The following CDK19 variants were observed in gnomAD, a reference collection of about 807,000 sequenced individuals.
The protein encoded by CDK19 is cyclin dependent kinase 19.
CDK19 carries 20 observed loss-of-function variants against 68.3 expected under a neutral mutation model. The observed-to-expected ratio is 0.29, with a 90% confidence interval of 0.21 to 0.43. CDK19 has a LOEUF of 0.43. CDK19 is among the 20% of genes least tolerant of loss of function. The pLI is 1.00. For missense variants in CDK19, 339 were observed against 623.5 expected (o/e 0.54, Z 4.86); for synonymous variants, 221 against 222.8 (o/e 0.99, Z 0.07).
At chr6:110,625,370 AG>A (rs1312764923) in intron 8 of CDK19, among the ~76,000 whole-genome samples, 6 of 152,078 alleles carry the variant, frequency 3.9e-5, no homozygotes, top group African/African-American at 1.2e-4. Context: ...TATGTTGCCC[AG>A]GCTAGTCTCA....
At chr6:110,689,783 T>C (rs1240958552) in intron 2 of CDK19, among the ~76,000 whole-genome samples, 1 of 152,032 alleles carries the variant, frequency 6.6e-6, no homozygotes, top group East Asian at 1.9e-4. Flanking sequence ...ACTGGATTCT[T>C]TGCAGACATT....
chr6:110,771,575 T>G (rs1780016763), intron 1 of CDK19, among the ~76,000 whole-genome samples: 1 of 152,198 alleles, frequency 6.6e-6, no homozygotes, highest in Non-Finnish European at 1.5e-5. Context: ...CTGGAGACAC[T>G]TTCCCCATTG....
intron 1 of CDK19, among the ~76,000 whole-genome samples, chr6:110,806,956 TGACAGAGAAA>T (rs1041870095): frequency 6.6e-6 from 1 of 151,242 alleles, no homozygotes; most frequent in Admixed American, 6.6e-5. Context: ...CCAGCCTGGG[TGACAGAGAAA>T]GACTCCGTCT....
intron 1 of CDK19, among the ~76,000 whole-genome samples, chr6:110,800,818 T>A (rs1466970441): frequency 6.6e-6 from 1 of 152,020 alleles, no homozygotes; most frequent in Non-Finnish European, 1.5e-5. Flanking sequence ...ATAAGAGCCA[T>A]CTATGACAAA....
intron 2 of CDK19, among the ~76,000 whole-genome samples, chr6:110,685,498 A>G (rs1772398667): frequency 6.6e-6 from 1 of 152,210 alleles, no homozygotes; most frequent in African/African-American, 2.4e-5. Flanking sequence ...CCCCTAACTG[A>G]TTGTAAGATG....
rs1296111947 is a variant in CDK19, at chr6:110,610,811, A to T, written c.*3724T>A. The T allele has an allele frequency of 6.6e-6, 1 of 152,158 alleles. No homozygotes were observed. Among genetic ancestry groups the T allele is most frequent in the African/African-American group, 2.4e-5 (1 of 41,418 alleles). The allele number at this position is 152,158 out of a possible 1,614,324, so 9.4% of individuals were successfully genotyped here. A position where few individuals can be genotyped will look rare whatever the true frequency, so the allele number is the denominator to read the frequency against. On this transcript the variant is annotated 3_prime_UTR_variant, in exon 13 of 13. Transcript: ENST00000368911. Reference sequence around the variant, plus strand: ...AGTTTCTGCTGCATAAATTTACTCAAAAGCACATCAAGTTGCATGTCTTAT... The same window carrying T: ...AGTTTCTGCTGCATAAATTTACTCATAAGCACATCAAGTTGCATGTCTTAT...
intron 1 of CDK19, among the ~76,000 whole-genome samples, chr6:110,806,265 G>A (rs534167445): frequency 3.3e-5 from 5 of 150,442 alleles, no homozygotes; most frequent in Non-Finnish European, 5.9e-5. Context: ...GCTTAAACCC[G>A]GGAGGCAGAG....
chr6:110,633,089 C>G (rs913580745), intron 5 of CDK19, among the ~76,000 whole-genome samples: 30 of 151,942 alleles, frequency 2.0e-4, no homozygotes, highest in Non-Finnish European at 1.3e-4. Flanking sequence ...CGTGGTGGCG[C>G]GCACCTGTAG....
intron 2 of CDK19, among the ~76,000 whole-genome samples, chr6:110,723,866 G>A (rs1776127163): frequency 6.6e-6 from 1 of 152,094 alleles, no homozygotes; most frequent in African/African-American, 2.4e-5. Context: ...TTTTGGCTAA[G>A]ATCAAGTGTA....
At chr6:110,756,518 C>T (rs1583031418) in intron 1 of CDK19, among the ~76,000 whole-genome samples, 1 of 150,210 alleles carries the variant, frequency 6.7e-6, no homozygotes, top group East Asian at 2.0e-4. Flanking sequence ...GCCAAGATTG[C>T]GCCACTGCAC....
At chr6:110,716,428 G>GA (rs199843405) in intron 2 of CDK19, among the ~76,000 whole-genome samples, 394 of 150,430 alleles carry the variant, frequency 2.6e-3, no homozygotes, top group African/African-American at 8.3e-3. Flanking sequence ...TTGTAACAAA[G>GA]AAAAAAAAAC....
chr6:110,765,870 T>C (rs1583051741), intron 1 of CDK19, among the ~76,000 whole-genome samples: 1 of 152,246 alleles, frequency 6.6e-6, no homozygotes, highest in South Asian at 2.1e-4. Flanking sequence ...TCACTCATTA[T>C]CAGAGAAATG....
intron 2 of CDK19, among the ~76,000 whole-genome samples, chr6:110,719,988 C>CAA (rs1775734026): frequency 8.3e-6 from 1 of 120,420 alleles, no homozygotes; most frequent in Non-Finnish European, 1.8e-5. Context: ...CCCCCCCCAC[C>CAA]CCCCCCCTGC....
chr6:110,669,132 A>C (rs1770772356), intron 3 of CDK19, among the ~76,000 whole-genome samples: 1 of 152,214 alleles, frequency 6.6e-6, no homozygotes, highest in African/African-American at 2.4e-5. Context: ...GAATATAGAA[A>C]AATGGAGAAA....
chr6:110,739,339 A>G (rs533112887), intron 2 of CDK19, among the ~76,000 whole-genome samples: 1 of 152,178 alleles, frequency 6.6e-6, no homozygotes, highest in Non-Finnish European at 1.5e-5. Flanking sequence ...ACAGCCGTCC[A>G]TCTGTGAACT....
intron 4 of CDK19, among the ~76,000 whole-genome samples, chr6:110,657,822 C>T (rs1239725146): frequency 6.6e-6 from 1 of 152,150 alleles, no homozygotes; most frequent in African/African-American, 2.4e-5. Context: ...GTTTGTATGT[C>T]ACTGTGAGTC....
At chr6:110,759,404 TAA>T (rs1157889434) in intron 1 of CDK19, among the ~76,000 whole-genome samples, 77 of 57,188 alleles carry the variant, frequency 1.3e-3, no homozygotes, top group East Asian at 2.9e-3. Flanking sequence ...GACTCCGTCT[TAA>T]AAAAAAAAAA....
chr6:110,710,886 C>T (rs1367157689), intron 2 of CDK19, among the ~76,000 whole-genome samples: 1 of 152,198 alleles, frequency 6.6e-6, no homozygotes, highest in East Asian at 1.9e-4. Flanking sequence ...TACAAGGCTA[C>T]AGACTTCATT....
chr6:110,622,317 T>C (rs1362251491), intron 10 of CDK19, 151 bp from the exon 11 acceptor site: 2 of 601,500 alleles, frequency 3.3e-6, no homozygotes. Flanking sequence ...GCTAGCTAGT[T>C]GACATATAGG....
Sources: gnomAD v4.1 joint callset for allele counts (sites outside exome capture counted in the v4.1 genomes callset) on GRCh38, gnomAD v4.1.1 for gene constraint, MANE v1.5 for transcripts, NCBI Gene and HGNC (gene_info 2026-07-23, HGNC 2026-07-21) for gene names.